SNX19: variants seen among roughly 807,000 people sequenced by gnomAD.
SNX19 encodes the protein sorting nexin 19.
In SNX19, 60 loss-of-function variants were observed where a neutral mutation model predicts 85.2. The observed-to-expected ratio is 0.70, with a 90% confidence interval of 0.57 to 0.87. The LOEUF is 0.87. Among genes scored for constraint, SNX19 ranks in the 40% least tolerant of loss-of-function variants. The pLI, the probability that SNX19 is intolerant of heterozygous loss-of-function variation, is 0.00. For synonymous variants in SNX19, 520 were observed against 470.0 expected, an observed-to-expected ratio of 1.11 and a Z score of -1.38; for missense variants, 1,201 against 1,217.8, an observed-to-expected ratio of 0.99 and a Z score of 0.21.
At position 130,910,038 on chromosome 11, in the gene SNX19, T is replaced by C; in HGVS notation, c.2014A>G (p.Met672Val). 6.2e-7 allele frequency: 1 copy of C among 1,613,770 alleles called. No individual in the cohort carries two copies. The highest frequency in any genetic ancestry group is 8.5e-7 in the Non-Finnish European group (1 of 1,180,036). Residue 672 changes from methionine to valine, a missense_variant, in exon 4 of 11, where the codon ATG (methionine) becomes GTG (valine). Met to Val is a conservative substitution (Grantham distance 21). This residue lies in a region of SNX19 where 125 missense variants were observed against 171.6 expected (regional missense o/e 0.73). Transcript: ENST00000265909. ...ARIAFVKKPF[M>V]VSRIDKMVVS... ...GGTACCTTGTCTATTCTAGAGACCA[T>C]AAATGGTTTCTTGACAAAGGCAATA...
intron 8 of SNX19, among the ~76,000 whole-genome samples, chr11:130,897,545 G>A (rs1293639467): frequency 2.0e-5 from 3 of 152,178 alleles, no homozygotes; most frequent in Non-Finnish European, 4.4e-5. Flanking sequence ...CTGCTGGCAT[G>A]GTTCCTATTT....
At chr11:130,893,541 C>G (rs1218947009) in intron 8 of SNX19, among the ~76,000 whole-genome samples, 2 of 152,050 alleles carry the variant, frequency 1.3e-5, no homozygotes, top group African/African-American at 2.4e-5. Flanking sequence ...ATTTCCAGTT[C>G]CCTGTCTACA....
At position 130,872,903 on chromosome 11, in the gene SNX19, A is replaced by G. The variant is rs1436157483; in HGVS notation, c.*5519T>C. On this transcript the variant is annotated 3_prime_UTR_variant, in exon 11 of 11. Coordinates refer to ENST00000265909, the MANE Select transcript of SNX19 (RefSeq NM_014758.3). ...CAGTGCAAAGTTAGATTGGACAAAC[A>G]GCCGGTGTGGAGGGGGCTGTGGGAG... Among the ~76,000 whole-genome samples the G allele has an allele frequency of 6.6e-6, 1 of 152,154 alleles. No individual in the cohort carries two copies. Among genetic ancestry groups the G allele is most frequent in the Non-Finnish European group, 1.5e-5 (1 of 68,022 alleles).
rs1387384799 is a variant in SNX19, at chr11:130,874,518, A to G, written c.*3904T>C. ...CAAGGAAGAAAGATGGAAAGAATTC[A>G]GGCCCCTTAAGAGGTCTCAGAGTTG... On this transcript the variant is annotated 3_prime_UTR_variant, in exon 11 of 11. Coordinates refer to ENST00000265909, the MANE Select transcript of SNX19 (RefSeq NM_014758.3). Among the ~76,000 whole-genome samples, 1 of 152,236 alleles carries G rather than the reference A, an allele frequency of 6.6e-6. No homozygotes were observed. The highest frequency in any genetic ancestry group is 1.5e-5 in the Non-Finnish European group (1 of 68,028).
At chr11:130,895,273 G>C (rs1565526091) in intron 8 of SNX19, 1 of 983,314 alleles carries the variant, frequency 1.0e-6, no homozygotes. Flanking sequence ...TGAAGATCTG[G>C]GTATGCCCTG....
chr11:130,900,659 C>T (rs534447563), intron 8 of SNX19, among the ~76,000 whole-genome samples: 1 of 152,146 alleles, frequency 6.6e-6, no homozygotes, highest in East Asian at 1.9e-4. Context: ...CCTAACTCAT[C>T]TATACTTTTA....
In SNX19 at chr11:130,903,286, G is replaced by T. The variant is rs762260404; in HGVS notation, c.2542C>A (p.Leu848Ile). ...ACTAGGGTCCCAAAGATAAGACGAA[G>T]AAACTTTTGCATGTTTTCGGTACAT... ...WLCTENMQKF[L>I]RLIFGTLVQR... The change falls in exon 8 of 11, where the codon CTT becomes ATT. Residue 848 changes from leucine (L) to isoleucine (I), a missense_variant. Physicochemically the swap from Leu to Ile is conservative, Grantham distance 5 (BLOSUM62 2). This residue lies in a region of SNX19 where 285 missense variants were observed against 295.3 expected (regional missense o/e 0.97). Coordinates refer to ENST00000265909, the MANE Select transcript of SNX19 (RefSeq NM_014758.3). The T allele has an allele frequency of 1.9e-6, 3 of 1,613,904 alleles. No individual in the cohort carries two copies. The highest frequency in any genetic ancestry group is 2.5e-6 in the Non-Finnish European group (3 of 1,179,858).
intron 1 of SNX19, 22 bp from the exon 2 acceptor site, chr11:130,911,793 T>G (rs1278439455): frequency 1.2e-6 from 2 of 1,610,152 alleles, no homozygotes; most frequent in South Asian, 1.1e-5. Flanking sequence ...ACAAATTGAT[T>G]GACTCAATCA....
chr11:130,908,091 G>C lies in SNX19; in HGVS notation c.2035-8C>G. 1.2e-6 allele frequency: 2 copies of C among 1,613,674 alleles called. No homozygotes were observed. Among genetic ancestry groups the C allele is most frequent in the Non-Finnish European group, 8.5e-7 (1 of 1,179,814 alleles). ...AATGGCACTCACCACCATCTGCAGG[G>C]GTCAGAGGTGCAGGGTCAGTCCATC... is the stretch of plus-strand genomic sequence containing the variant. On this transcript the variant is annotated splice_polypyrimidine_tract_variant and splice_region_variant and intron_variant, in intron 4 of 10. Coordinates refer to ENST00000265909, the MANE Select transcript of SNX19 (RefSeq NM_014758.3).
intron 8 of SNX19, among the ~76,000 whole-genome samples, chr11:130,890,260 T>C (rs1944405046): frequency 6.6e-6 from 1 of 152,146 alleles, no homozygotes; most frequent in Non-Finnish European, 1.5e-5. Context: ...CTCCTCAATA[T>C]CTCATGAATC....
At chr11:130,895,872 C>T (rs1177834310) in intron 8 of SNX19, among the ~76,000 whole-genome samples, 2 of 152,106 alleles carry the variant, frequency 1.3e-5, no homozygotes, top group Admixed American at 1.3e-4. Flanking sequence ...AAGTGATACC[C>T]AAGAAATATG....
intron 5 of SNX19, 113 bp from the exon 6 acceptor site, chr11:130,906,834 G>T: frequency 2.6e-6 from 2 of 782,064 alleles, no homozygotes; most frequent in Non-Finnish European, 4.3e-6. Flanking sequence ...TACTTATTCT[G>T]GGGAGCTTAC....
rs545203718 is a variant in SNX19 at position 130,873,206 on chromosome 11, G to A, written c.*5216C>T. Among the ~76,000 whole-genome samples the A allele has an allele frequency of 1.1e-3, 160 of 152,240 alleles. No individual in the cohort carries two copies. Among genetic ancestry groups the A allele is most frequent in the African/African-American group, 3.8e-3 (158 of 41,548 alleles). ...ACAAACTGACTCATGGGACAAACCC[G>A]GCCAGCTGCCTATTTTTGTAAATCA... On this transcript the variant is annotated 3_prime_UTR_variant, in exon 11 of 11. Coordinates refer to ENST00000265909, the MANE Select transcript of SNX19 (RefSeq NM_014758.3).
chr11:130,895,569 A>C (rs1298892287), intron 8 of SNX19, among the ~76,000 whole-genome samples: 1 of 152,214 alleles, frequency 6.6e-6, no homozygotes, highest in East Asian at 1.9e-4. Context: ...TCCTGTTTGC[A>C]GTCACAGATG....
chr11:130,896,343 T>TA (rs2135350248), intron 8 of SNX19, among the ~76,000 whole-genome samples: 1 of 152,298 alleles, frequency 6.6e-6, no homozygotes, highest in South Asian at 2.1e-4. Flanking sequence ...GAATAGCATA[T>TA]AAATAGAGAT....
Position 130,871,578 on chromosome 11 carries a change from C to T in SNX19, c.*6844G>A, listed in dbSNP as rs140553651. Among the ~76,000 whole-genome samples, 182 of 152,276 alleles carry T rather than the reference C, an allele frequency of 1.2e-3. 2 individuals are homozygous for T. The East Asian group carries it at 0.029, about 24-fold the overall frequency. Reference sequence around the variant, plus strand: ...CAGGATGATTCTTCACCCAGGGGCACGGGCAAAAGGGCTGATTACCTATGC... The same window carrying T: ...CAGGATGATTCTTCACCCAGGGGCATGGGCAAAAGGGCTGATTACCTATGC... On this transcript the variant is annotated 3_prime_UTR_variant, in exon 11 of 11. Coordinates refer to ENST00000265909, the MANE Select transcript of SNX19 (RefSeq NM_014758.3).
intron 8 of SNX19, among the ~76,000 whole-genome samples, chr11:130,890,196 C>T (rs921253723): frequency 1.3e-5 from 2 of 152,110 alleles, no homozygotes; most frequent in African/African-American, 4.8e-5. Context: ...TTTCTCAACC[C>T]TAATCCAACA....
rs1592373193 is a variant in SNX19 at position 130,911,493 on chromosome 11, A to G, written c.1813+140T>C. Reference sequence around the variant, plus strand: ...TGCTGCTGTCCAGCACTAAACTTCAAAACTCCTGAAGCAAATCCAGGGAGC... The same window carrying G: ...TGCTGCTGTCCAGCACTAAACTTCAGAACTCCTGAAGCAAATCCAGGGAGC... On this transcript the variant is annotated intron_variant, in intron 2 of 10. Coordinates refer to ENST00000265909, the MANE Select transcript of SNX19 (RefSeq NM_014758.3). 8 of 1,500,640 alleles carry G rather than the reference A, an allele frequency of 5.3e-6. 1 individual carries two copies. The East Asian group carries it at 1.9e-4, about 35-fold the overall frequency. The allele number at this position is 1,500,640 out of a possible 1,614,324, so 93.0% of individuals were successfully genotyped here. A position where few individuals can be genotyped will look rare whatever the true frequency, so the allele number is the denominator to read the frequency against.
At chr11:130,893,818 G>A (rs949107089) in intron 8 of SNX19, 10 of 702,146 alleles carry the variant, frequency 1.4e-5, no homozygotes, top group Non-Finnish European at 2.1e-5. Flanking sequence ...AATCCTCTCC[G>A]AGAAATCTTT....
Sources: gnomAD v4.1 joint callset for allele counts (sites outside exome capture counted in the v4.1 genomes callset) on GRCh38, gnomAD v4.1.1 for gene constraint, gnomAD v4.1.1 regional missense constraint, MANE v1.5 for transcripts, NCBI Gene and HGNC (gene_info 2026-07-23, HGNC 2026-07-21) for gene names.